RBMS3: variants seen among roughly 807,000 people sequenced by gnomAD.
RBMS3 encodes RNA-binding motif, single-stranded-interacting protein 3.
Under a neutral mutation model 66.8 loss-of-function variants are expected in RBMS3, and 27 were observed. The observed-to-expected ratio is 0.40, with a 90% CI of 0.30 to 0.56. The LOEUF (loss-of-function observed/expected upper bound fraction) is 0.56. Among genes scored for constraint, RBMS3 ranks in the 20% least tolerant of loss-of-function variants. The pLI is 0.40. For synonymous variants in RBMS3, 188 were observed against 183.0 expected (o/e 1.03, Z -0.22); for missense variants, 513 against 549.5 (o/e 0.93, Z 0.66).
chr3:29,780,350 G>T (rs1325682214), intron 6 of RBMS3, among the ~76,000 whole-genome samples: 1 of 151,406 alleles, frequency 6.6e-6, no homozygotes, highest in Non-Finnish European at 1.5e-5. Context: ...GAATCTTATG[G>T]TTTGACTACA....
chr3:29,314,831 T>G (rs1354290878), intron 1 of RBMS3, among the ~76,000 whole-genome samples: 4 of 151,770 alleles, frequency 2.6e-5, no homozygotes, highest in African/African-American at 9.7e-5. Flanking sequence ...TTTTCTGAAT[T>G]AGAGTTGCTC....
At chr3:29,475,584 A>C (rs562758259) in intron 2 of RBMS3, among the ~76,000 whole-genome samples, 1 of 152,252 alleles carries the variant, frequency 6.6e-6, no homozygotes, top group African/African-American at 2.4e-5. Context: ...CACAATTAAG[A>C]GTGGTTGGTC....
chr3:29,856,927 G>A (rs2059091065), intron 6 of RBMS3, among the ~76,000 whole-genome samples: 1 of 152,086 alleles, frequency 6.6e-6, no homozygotes, highest in Admixed American at 6.5e-5. Context: ...GTATTGATTA[G>A]TATGTGATTC....
intron 4 of RBMS3, among the ~76,000 whole-genome samples, chr3:29,708,729 T>C (rs1471431511): frequency 2.0e-5 from 3 of 152,166 alleles, no homozygotes; most frequent in South Asian, 4.1e-4. Flanking sequence ...TCCCTACACC[T>C]GTTTCTGGTA....
In RBMS3 at chr3:29,652,230, T is replaced by C. The variant is rs2050170133; in HGVS notation, c.399+65025T>C. 5.3e-5 allele frequency among the ~76,000 whole-genome samples: 8 copies of C among 152,280 alleles called. No individual in the cohort carries two copies. The South Asian group carries it at 1.7e-3, about 32-fold the overall frequency. ...GTGGTTATGATTTCCTCAACGGTAA[T>C]TTCAATTTCAGCTGTCTGGTTTTTA... On this transcript the variant is annotated intron_variant, in intron 4 of 14. Coordinates refer to ENST00000383767, the MANE Select transcript of RBMS3 (RefSeq NM_001003793.3).
chr3:29,289,366 G>A (rs911907998), intron 1 of RBMS3, among the ~76,000 whole-genome samples: 1 of 151,826 alleles, frequency 6.6e-6, no homozygotes, highest in Non-Finnish European at 1.5e-5. Flanking sequence ...CTTTAACACA[G>A]AAAAGAGTTT....
chr3:29,713,345 G>A (rs1387293158), intron 4 of RBMS3, among the ~76,000 whole-genome samples: 2 of 151,962 alleles, frequency 1.3e-5, no homozygotes, highest in African/African-American at 4.8e-5. Context: ...AAGACATAAT[G>A]TGCCCTTCTC....
chr3:29,496,005 A>G (rs1185296649), intron 3 of RBMS3, among the ~76,000 whole-genome samples: 1 of 152,142 alleles, frequency 6.6e-6, no homozygotes, highest in Non-Finnish European at 1.5e-5. Context: ...TATTTCTTGA[A>G]AGCAGTGGAA....
intron 3 of RBMS3, among the ~76,000 whole-genome samples, chr3:29,533,864 A>G (rs1272387343): frequency 6.6e-6 from 1 of 152,210 alleles, no homozygotes; most frequent in African/African-American, 2.4e-5. Flanking sequence ...TTTCTAACCT[A>G]TTTGTTCTGC....
chr3:29,854,318 T>A (rs1317573738), intron 6 of RBMS3, among the ~76,000 whole-genome samples: 1 of 152,234 alleles, frequency 6.6e-6, no homozygotes, highest in Non-Finnish European at 1.5e-5. Flanking sequence ...ATTTACTTTC[T>A]AACTATTTGT....
In RBMS3 at chr3:29,503,627, A is replaced by G. The variant is rs551296882; in HGVS notation, c.307+15128A>G. Among the ~76,000 whole-genome samples, 3 of 152,232 alleles carry G rather than the reference A, an allele frequency of 2.0e-5. No homozygotes were observed. In the South Asian group the frequency reaches 6.2e-4, roughly 32 times the overall value. On this transcript the variant is annotated intron_variant, in intron 3 of 14. Transcript: ENST00000383767. ...GTAAGGAGGATTGTTTTACTTCTCCAACACCATTGTCTGTGTTAATTTTGC... is the reference window on the plus strand; with the variant it reads ...GTAAGGAGGATTGTTTTACTTCTCCGACACCATTGTCTGTGTTAATTTTGC...
In RBMS3 at chr3:29,621,585, T is replaced by A. The variant is rs1191748982; in HGVS notation, c.399+34380T>A. Among the ~76,000 whole-genome samples the A allele has an allele frequency of 3.3e-5, 5 of 152,196 alleles. 1 individual carries two copies. Among genetic ancestry groups the A allele is most frequent in the African/African-American group, 9.6e-5 (4 of 41,462 alleles). On this transcript the variant is annotated intron_variant, in intron 4 of 14. Transcript: ENST00000383767. ...TTTCAATAAAAGTGAATAGTTTTACTTCCATTAGTTGGAAAGGACAACCTA... is the reference window on the plus strand; with the variant it reads ...TTTCAATAAAAGTGAATAGTTTTACATCCATTAGTTGGAAAGGACAACCTA...
intron 4 of RBMS3, among the ~76,000 whole-genome samples, chr3:29,691,967 T>TTTTTTTTTTTTTTTTA (rs1559574585): frequency 6.9e-6 from 1 of 144,346 alleles, no homozygotes; most frequent in African/African-American, 2.6e-5. Flanking sequence ...TTTTTTTTTT[T>TTTTTTTTTTTTTTTTA]GAGATGGAGT....
chr3:29,661,414 A>G (rs1023904253), intron 4 of RBMS3, among the ~76,000 whole-genome samples: 1 of 152,232 alleles, frequency 6.6e-6, no homozygotes, highest in African/African-American at 2.4e-5. Context: ...TAAACGGTAG[A>G]CAATAACTAG....
chr3:29,995,379 G>A (rs1004296736), intron 14 of RBMS3, among the ~76,000 whole-genome samples: 4 of 152,158 alleles, frequency 2.6e-5, no homozygotes, highest in Non-Finnish European at 5.9e-5. Flanking sequence ...ATCTAGCAAG[G>A]CAGGCCAACG....
chr3:29,470,792 C>G (rs1218898648), intron 2 of RBMS3, among the ~76,000 whole-genome samples: 1 of 151,902 alleles, frequency 6.6e-6, no homozygotes, highest in East Asian at 1.9e-4. Context: ...TTATATATTC[C>G]TGACATTTTT....
chr3:29,996,344 C>T (rs1486319670), intron 14 of RBMS3, among the ~76,000 whole-genome samples: 3 of 149,376 alleles, frequency 2.0e-5, no homozygotes, highest in Non-Finnish European at 3.0e-5. Flanking sequence ...CCACTGTCAA[C>T]ATTAGACAGA....
intron 1 of RBMS3, among the ~76,000 whole-genome samples, chr3:29,285,796 G>A (rs914864239): frequency 3.9e-5 from 6 of 152,106 alleles, no homozygotes; most frequent in Admixed American, 2.6e-4. Flanking sequence ...ATGAGCAAAC[G>A]CTTGAAAACA....
At chr3:29,539,529 C>T (rs1283549393) in intron 3 of RBMS3, among the ~76,000 whole-genome samples, 1 of 152,124 alleles carries the variant, frequency 6.6e-6, no homozygotes, top group African/African-American at 2.4e-5. Context: ...CTTCTTTGGA[C>T]TCAAGATCAG....
Sources: gnomAD v4.1 joint callset for allele counts (sites outside exome capture counted in the v4.1 genomes callset) on GRCh38, gnomAD v4.1.1 for gene constraint, MANE v1.5 for transcripts, NCBI Gene and HGNC (gene_info 2026-07-23, HGNC 2026-07-21) for gene names.